SLC27A6: variants seen among roughly 807,000 people sequenced by gnomAD.
The protein encoded by SLC27A6 is long-chain fatty acid transport protein 6.
In SLC27A6, 74 loss-of-function variants were observed where a neutral mutation model predicts 63.9. The ratio of observed to expected loss-of-function variants is 1.16; its 90% CI spans 0.96 to 1.40. The LOEUF (loss-of-function observed/expected upper bound fraction) is 1.40, where lower values mean the gene tolerates loss of function less well. SLC27A6 is among the 40% of genes most tolerant of loss of function. SLC27A6 has a pLI of 0.00. For missense variants in SLC27A6, 794 were observed against 732.9 expected, an observed-to-expected ratio of 1.08 and a Z score of -0.96; for synonymous variants, 287 against 260.8, an observed-to-expected ratio of 1.10 and a Z score of -0.97.
chr5:128,971,400 T>C (rs1750155715), intron 1 of SLC27A6, among the ~76,000 whole-genome samples: 1 of 152,144 alleles, frequency 6.6e-6, no homozygotes, highest in South Asian at 2.1e-4. Flanking sequence ...TCTAAGTCTC[T>C]TTGTAGTTCT....
At chr5:129,002,340 T>C (rs960515809) in intron 4 of SLC27A6, among the ~76,000 whole-genome samples, 2 of 152,222 alleles carry the variant, frequency 1.3e-5, no homozygotes, top group Non-Finnish European at 2.9e-5. Flanking sequence ...TAGAAACTCA[T>C]GTTTTGATGA....
At chr5:129,003,918 AGATTG>A (rs1409798327) in intron 4 of SLC27A6, among the ~76,000 whole-genome samples, 2 of 146,490 alleles carry the variant, frequency 1.4e-5, no homozygotes, top group African/African-American at 5.1e-5. Context: ...CAGTGAGCTG[AGATTG>A]CCCCACTGTA....
At chr5:129,012,010 T>C (rs929751976) in intron 4 of SLC27A6, among the ~76,000 whole-genome samples, 2 of 151,934 alleles carry the variant, frequency 1.3e-5, no homozygotes, top group Non-Finnish European at 2.9e-5. Context: ...TATACATATA[T>C]TATAGTTTGG....
chr5:129,032,318 C>T (rs1752441000), intron 9 of SLC27A6, among the ~76,000 whole-genome samples: 1 of 151,980 alleles, frequency 6.6e-6, no homozygotes, highest in Admixed American at 6.6e-5. Context: ...CACAATCAGT[C>T]ACTAAGGAGA....
intron 1 of SLC27A6, among the ~76,000 whole-genome samples, chr5:128,969,121 A>G (rs978919652): frequency 6.6e-6 from 1 of 152,090 alleles, no homozygotes; most frequent in African/African-American, 2.4e-5. Context: ...CCGTTGGTCT[A>G]TATCTCTGTT....
At chr5:129,025,668 G>A (rs1752217381) in intron 6 of SLC27A6, among the ~76,000 whole-genome samples, 2 of 152,086 alleles carry the variant, frequency 1.3e-5, no homozygotes, top group Non-Finnish European at 2.9e-5. Flanking sequence ...TGATAATGAT[G>A]GTGATGATGA....
intron 4 of SLC27A6, among the ~76,000 whole-genome samples, chr5:128,994,721 CAG>C (rs1449708139): frequency 2.0e-5 from 3 of 152,158 alleles, no homozygotes; most frequent in Non-Finnish European, 4.4e-5. Flanking sequence ...TTGACAATCT[CAG>C]GGTAAGTAGC....
chr5:129,019,965 A>C (rs1752022959), intron 5 of SLC27A6, among the ~76,000 whole-genome samples: 2 of 152,112 alleles, frequency 1.3e-5, no homozygotes, highest in South Asian at 4.1e-4. Context: ...AATCTTTAGC[A>C]GAAGAGTACA....
intron 3 of SLC27A6, 80 bp from the exon 4 acceptor site, chr5:128,990,260 A>G: frequency 8.0e-6 from 11 of 1,378,560 alleles, no homozygotes; most frequent in Non-Finnish European, 1.1e-5. Context: ...TGTTCTAGAC[A>G]GAGAAACATC....
At chr5:129,028,286 T>C (rs1752308973) in intron 7 of SLC27A6, 59 bp from the exon 8 acceptor site, 2 of 1,110,820 alleles carry the variant, frequency 1.8e-6, no homozygotes, top group Non-Finnish European at 2.8e-6. Context: ...AAACTAAAAC[T>C]GGGTACCTAG....
At chr5:129,017,921 C>G (rs1302106256) in intron 5 of SLC27A6, among the ~76,000 whole-genome samples, 4 of 152,146 alleles carry the variant, frequency 2.6e-5, no homozygotes, top group African/African-American at 9.7e-5. Context: ...CTGTTACGAA[C>G]TCTTCCAGAT....
chr5:129,015,360 T>A (rs1323484317), intron 4 of SLC27A6, among the ~76,000 whole-genome samples: 1 of 152,204 alleles, frequency 6.6e-6, no homozygotes, highest in Non-Finnish European at 1.5e-5. Context: ...TTACTTTGAT[T>A]CTATGGCCTC....
chr5:128,986,182 C>T (rs1402316093), intron 2 of SLC27A6, among the ~76,000 whole-genome samples: 1 of 152,068 alleles, frequency 6.6e-6, no homozygotes, highest in Non-Finnish European at 1.5e-5. Flanking sequence ...GATGTGGTGG[C>T]ATGCACCTGT....
intron 4 of SLC27A6, among the ~76,000 whole-genome samples, chr5:129,004,115 G>A (rs913571727): frequency 6.6e-6 from 1 of 152,094 alleles, no homozygotes. Context: ...AGCCACTCAG[G>A]ATTTATCTTG....
At chr5:129,013,453 A>G (rs1317309921) in intron 4 of SLC27A6, among the ~76,000 whole-genome samples, 1 of 152,102 alleles carries the variant, frequency 6.6e-6, no homozygotes, top group South Asian at 2.1e-4. Context: ...TTCTTGTACT[A>G]GCTTTAAAAT....
At chr5:129,001,179 G>A (rs529423213) in intron 4 of SLC27A6, among the ~76,000 whole-genome samples, 15 of 152,192 alleles carry the variant, frequency 9.9e-5, no homozygotes, top group African/African-American at 3.4e-4. Context: ...TGACCTTGTA[G>A]GCCACTCATT....
intron 5 of SLC27A6, among the ~76,000 whole-genome samples, chr5:129,016,750 CTATT>C (rs1751912407): frequency 6.6e-6 from 1 of 151,944 alleles, no homozygotes; most frequent in South Asian, 2.1e-4. Flanking sequence ...TCCACTATTT[CTATT>C]TATCTTTCAT....
chr5:129,016,488 T>A (rs1173542450), intron 5 of SLC27A6, among the ~76,000 whole-genome samples: 1 of 136,578 alleles, frequency 7.3e-6, no homozygotes, highest in Non-Finnish European at 1.6e-5. Context: ...TATTATCACC[T>A]TTTTTTTTTT....
chr5:129,024,382 C>T (rs113788874), intron 6 of SLC27A6, among the ~76,000 whole-genome samples: 7 of 152,108 alleles, frequency 4.6e-5, no homozygotes, highest in African/African-American at 1.2e-4. Context: ...TGGATTTAAA[C>T]GTGGTCTCTG....
Sources: gnomAD v4.1 joint callset for allele counts (sites outside exome capture counted in the v4.1 genomes callset) on GRCh38, gnomAD v4.1.1 for gene constraint, MANE v1.5 for transcripts, NCBI Gene and HGNC (gene_info 2026-07-23, HGNC 2026-07-21) for gene names.